The following TENM4 variants were observed in gnomAD, a reference collection of about 807,000 sequenced individuals.
TENM4 encodes the protein teneurin-4.
TENM4 carries 82 observed loss-of-function variants against 243.3 expected under a neutral mutation model. The observed-to-expected ratio is 0.34, with a 90% CI of 0.28 to 0.40. The LOEUF (loss-of-function observed/expected upper bound fraction) is 0.40, where lower values mean the gene tolerates loss of function less well. Ranked by LOEUF, TENM4 falls within the 10% of genes least tolerant of loss-of-function variation. The pLI, the probability that TENM4 is intolerant of heterozygous loss-of-function variation, is 1.00. For missense variants in TENM4, 3,138 were observed against 3,673.3 expected (o/e 0.85, Z 3.77); for synonymous variants, 1,412 against 1,456.3 (o/e 0.97, Z 0.69).
chr11:78,885,307 T>A (rs1855526308), intron 9 of TENM4, among the ~76,000 whole-genome samples: 1 of 152,226 alleles, frequency 6.6e-6, no homozygotes, highest in African/African-American at 2.4e-5. Context: ...AACTGGTGAA[T>A]AAAGCACTGT....
chr11:79,325,108 A>AAG (rs1196605980), intron 1 of TENM4, among the ~76,000 whole-genome samples: 1 of 151,896 alleles, frequency 6.6e-6, no homozygotes, highest in Admixed American at 6.6e-5. Context: ...TGGCACGTGG[A>AAG]AGAGAGAGAG....
intron 2 of TENM4, among the ~76,000 whole-genome samples, chr11:79,216,997 TC>T (rs373891143): frequency 6.6e-6 from 1 of 151,964 alleles, no homozygotes; most frequent in East Asian, 1.9e-4. Flanking sequence ...GCTAATGACT[TC>T]CCCCCTCTAA....
rs150973309 is a variant in TENM4, at chr11:79,339,026, C to T, written c.-320-41483G>A. Among the ~76,000 whole-genome samples the T allele has an allele frequency of 2.8e-3, 429 of 152,306 alleles. 17 individuals carry two copies. The highest frequency in any genetic ancestry group is 0.026 in the Admixed American group (398 of 15,306). The stretch of plus-strand genomic sequence containing the variant: ...TGGAGCTGTGTTGGCAACGCCTGCT[C>T]AAACCTCAAACACAACACAGTCACA... On this transcript the variant is annotated intron_variant, in intron 1 of 33. Coordinates refer to ENST00000278550, the MANE Select transcript of TENM4 (RefSeq NM_001098816.3).
At chr11:78,920,003 C>A (rs1565126093) in intron 6 of TENM4, among the ~76,000 whole-genome samples, 2 of 152,200 alleles carry the variant, frequency 1.3e-5, no homozygotes, top group Non-Finnish European at 2.9e-5. Context: ...CGTATGCATG[C>A]ATATGTCCCC....
chr11:79,087,705 C>G (rs913609736), intron 4 of TENM4, among the ~76,000 whole-genome samples: 1 of 152,236 alleles, frequency 6.6e-6, no homozygotes, highest in Admixed American at 6.5e-5. Flanking sequence ...CAAGGTCCTT[C>G]CTGCAGCTCA....
rs973580957 is a variant in TENM4, at chr11:78,889,960, G to A, written c.909C>T (p.Tyr303=). ...AGTACACTGTGCTGGACGTCAGTGG[G>A]TACCCTGGTGATGTGGTGCAGAAGA... ...SPLFCTTSPG[Y]PLTSSTVYSP... Residue 303 remains tyrosine, a synonymous_variant, in exon 9 of 34, where the codon TAC becomes TAT. Transcript: ENST00000278550. The A allele has an allele frequency of 2.6e-6, 4 of 1,551,544 alleles. No homozygotes were observed. Among genetic ancestry groups the A allele is most frequent in the East Asian group, 2.4e-5 (1 of 40,916 alleles).
At chr11:78,696,889 C>G (rs72939805) in intron 28 of TENM4, among the ~76,000 whole-genome samples, 21,490 of 151,898 alleles carry the variant, frequency 0.14, 1,857 homozygotes, top group Admixed American at 0.2. Flanking sequence ...CTTTTCTTCC[C>G]TCATTCAGCT....
chr11:79,199,175 C>G (rs2135185823), intron 3 of TENM4, among the ~76,000 whole-genome samples: 1 of 152,238 alleles, frequency 6.6e-6, no homozygotes, highest in East Asian at 1.9e-4. Flanking sequence ...GCCCACTGTA[C>G]CCGGTGTGTC....
rs557159337 is a variant in TENM4, at chr11:78,730,228, G to A, written c.3139-585C>T. Among the ~76,000 whole-genome samples the A allele has an allele frequency of 9.2e-4, 140 of 152,314 alleles. 1 individual carries two copies. Among genetic ancestry groups the A allele is most frequent in the Middle Eastern group, 3.4e-3 (1 of 294 alleles). On this transcript the variant is annotated intron_variant, in intron 21 of 33. Transcript: ENST00000278550. ...GCTGCTGCTGCTGGTGGTGGTGCTG[G>A]CAGGAGGGATGCCATGAAGAGAGAC...
chr11:78,960,557 A>C (rs2136528848), intron 6 of TENM4, among the ~76,000 whole-genome samples: 1 of 152,278 alleles, frequency 6.6e-6, no homozygotes, highest in East Asian at 1.9e-4. Context: ...GAGCTGGGGC[A>C]GGCTTCCCTT....
chr11:79,409,909 C>G (rs896199611), intron 1 of TENM4, among the ~76,000 whole-genome samples: 1 of 152,144 alleles, frequency 6.6e-6, no homozygotes, highest in Admixed American at 6.5e-5. Flanking sequence ...TCTAGTTGCC[C>G]ACAGTGGTAA....
At chr11:79,421,703 A>G (rs1434898075) in intron 1 of TENM4, among the ~76,000 whole-genome samples, 1 of 150,194 alleles carries the variant, frequency 6.7e-6, no homozygotes, top group Non-Finnish European at 1.5e-5. Context: ...TGGCTCTGAA[A>G]TTAAAAAAAA....
At chr11:79,337,187 A>T (rs1167982753) in intron 1 of TENM4, among the ~76,000 whole-genome samples, 5 of 152,224 alleles carry the variant, frequency 3.3e-5, no homozygotes, top group African/African-American at 1.2e-4. Context: ...GCAATCACTC[A>T]ATAAATCCTT....
chr11:79,328,413 C>T (rs780362334), intron 1 of TENM4, among the ~76,000 whole-genome samples: 25 of 152,204 alleles, frequency 1.6e-4, no homozygotes, highest in Non-Finnish European at 3.4e-4. Context: ...CAGAAAATCA[C>T]AGCAGCTGGA....
At chr11:78,885,143 G>A (rs919288828) in intron 9 of TENM4, among the ~76,000 whole-genome samples, 6 of 151,992 alleles carry the variant, frequency 3.9e-5, no homozygotes, top group East Asian at 1.9e-4. Context: ...CAAGCTTCAG[G>A]GTCTGACCTA....
intron 7 of TENM4, 60 bp downstream of exon 7, chr11:78,903,208 C>T: frequency 6.8e-7 from 1 of 1,461,116 alleles, no homozygotes; most frequent in Non-Finnish European, 9.0e-7. Flanking sequence ...AGCCAAAGAC[C>T]TTGGTCCGGG....
At chr11:78,777,551 T>C (rs1209238800) in intron 17 of TENM4, among the ~76,000 whole-genome samples, 1 of 152,238 alleles carries the variant, frequency 6.6e-6, no homozygotes, top group Non-Finnish European at 1.5e-5. Context: ...TTCATACTTA[T>C]TGAGCATAAT....
chr11:79,233,653 G>C (rs575802933), intron 2 of TENM4, among the ~76,000 whole-genome samples: 1 of 152,128 alleles, frequency 6.6e-6, no homozygotes, highest in Non-Finnish European at 1.5e-5. Context: ...AAGGCGGGGG[G>C]CTGTGAATGG....
intron 3 of TENM4, chr11:79,191,618 T>C (rs1347151646): frequency 2.3e-5 from 4 of 175,934 alleles, no homozygotes; most frequent in Non-Finnish European, 3.5e-5. Flanking sequence ...CCCCTCTGCC[T>C]GGCTGCCCAG....
Sources: allele counts gnomAD v4.1 joint callset (sites outside exome capture counted in the v4.1 genomes callset), GRCh38; gene constraint gnomAD v4.1.1; transcripts MANE v1.5; gene names NCBI Gene and HGNC (gene_info 2026-07-23, HGNC 2026-07-21).